Variants in RABGAP1L observed in about 807,000 individuals in gnomAD.
RABGAP1L encodes RAB GTPase activating protein 1 like.
Under a neutral mutation model 137.7 loss-of-function variants are expected in RABGAP1L, and 63 were observed. That is an observed-to-expected ratio of 0.46 (90% CI 0.37 to 0.56). The LOEUF (loss-of-function observed/expected upper bound fraction) is 0.56, where lower values mean the gene tolerates loss of function less well. Ranked by LOEUF, RABGAP1L falls within the 20% of genes least tolerant of loss-of-function variation. The pLI, the probability that RABGAP1L is intolerant of heterozygous loss-of-function variation, is 0.00. For missense variants in RABGAP1L, 1,095 were observed against 1,244.0 expected (o/e 0.88, Z 1.80); for synonymous variants, 431 against 433.7 (o/e 0.99, Z 0.08).
chr1:174,201,453 C>T (rs190777767), intron 1 of RABGAP1L, among the ~76,000 whole-genome samples: 143 of 152,274 alleles, frequency 9.4e-4, no homozygotes, highest in African/African-American at 3.1e-3. Flanking sequence ...CCACCTTGGC[C>T]TCCCAAGGGG....
intron 13 of RABGAP1L, among the ~76,000 whole-genome samples, chr1:174,580,802 G>A (rs10753086): frequency 0.58 from 88,412 of 152,076 alleles, 28,022 homozygotes; most frequent in African/African-American, 0.85. Flanking sequence ...TTGAGTATTC[G>A]GAATATATCA....
At chr1:174,290,874 G>A (rs960846704) in intron 10 of RABGAP1L, among the ~76,000 whole-genome samples, 8 of 151,154 alleles carry the variant, frequency 5.3e-5, no homozygotes, top group African/African-American at 1.9e-4. Flanking sequence ...TGATTCTCCT[G>A]CATCAGCCTC....
chr1:174,693,218 T>C (rs1358544737), intron 15 of RABGAP1L, among the ~76,000 whole-genome samples: 1 of 152,232 alleles, frequency 6.6e-6, no homozygotes, highest in Non-Finnish European at 1.5e-5. Context: ...GATCCGCTGC[T>C]GTAAACTCTT....
chr1:174,648,811 C>G (rs1472450048), intron 14 of RABGAP1L, among the ~76,000 whole-genome samples: 1 of 152,092 alleles, frequency 6.6e-6, no homozygotes, highest in Non-Finnish European at 1.5e-5. Flanking sequence ...GTTAAAGTCT[C>G]CCACTATTAT....
chr1:174,855,410 C>G (rs1053616722), intron 19 of RABGAP1L, among the ~76,000 whole-genome samples: 1 of 152,154 alleles, frequency 6.6e-6, no homozygotes, highest in South Asian at 2.1e-4. Flanking sequence ...ATAACTGTAT[C>G]CTAGACATAA....
intron 19 of RABGAP1L, among the ~76,000 whole-genome samples, chr1:174,924,964 G>GTCC (rs1662464926): frequency 1.3e-5 from 2 of 152,196 alleles, no homozygotes; most frequent in African/African-American, 4.8e-5. Flanking sequence ...AAATAGGGTA[G>GTCC]TAAGGGTAGA....
chr1:174,766,531 T>C (rs1039279908), intron 18 of RABGAP1L, among the ~76,000 whole-genome samples: 3 of 152,220 alleles, frequency 2.0e-5, no homozygotes, highest in Admixed American at 1.3e-4. Context: ...GTGTGCATTC[T>C]CCAGTTTTGT....
intron 14 of RABGAP1L, among the ~76,000 whole-genome samples, chr1:174,673,579 A>G (rs1308068936): frequency 6.6e-6 from 1 of 152,190 alleles, no homozygotes; most frequent in Non-Finnish European, 1.5e-5. Context: ...GCTAAATTAC[A>G]TATTTCTCTT....
intron 21 of RABGAP1L, among the ~76,000 whole-genome samples, chr1:174,974,908 A>G (rs1189868268): frequency 6.6e-6 from 1 of 152,266 alleles, no homozygotes; most frequent in Non-Finnish European, 1.5e-5. Flanking sequence ...GAGATATGGC[A>G]GAAGACGGAC....
intron 19 of RABGAP1L, among the ~76,000 whole-genome samples, chr1:174,861,306 A>C: frequency 6.6e-6 from 1 of 152,312 alleles, no homozygotes; most frequent in Middle Eastern, 3.4e-3. Context: ...TCTATTATGT[A>C]TATCTATAAA....
chr1:174,224,832 C>A (rs1346541580), intron 3 of RABGAP1L, among the ~76,000 whole-genome samples: 1 of 152,080 alleles, frequency 6.6e-6, no homozygotes, highest in Non-Finnish European at 1.5e-5. Context: ...GGATTTGAAT[C>A]ATTGTTCTCC....
chr1:174,436,444 A>T (rs1653317676), intron 13 of RABGAP1L, among the ~76,000 whole-genome samples: 1 of 152,134 alleles, frequency 6.6e-6, no homozygotes, highest in Non-Finnish European at 1.5e-5. Context: ...TTGGCTGCAT[A>T]AATGTCTTCT....
chr1:174,341,298 A>G (rs1681951512), intron 11 of RABGAP1L, among the ~76,000 whole-genome samples: 1 of 152,216 alleles, frequency 6.6e-6, no homozygotes, highest in Non-Finnish European at 1.5e-5. Context: ...CTGAATGCTA[A>G]TATGATGCAT....
chr1:174,687,676 T>A (rs1406586694), intron 15 of RABGAP1L, among the ~76,000 whole-genome samples: 1 of 152,182 alleles, frequency 6.6e-6, no homozygotes, highest in Non-Finnish European at 1.5e-5. Context: ...ATTATTAGGG[T>A]CTTACTGACT....
intron 13 of RABGAP1L, among the ~76,000 whole-genome samples, chr1:174,418,519 T>G (rs1018244890): frequency 6.6e-6 from 1 of 152,172 alleles, no homozygotes; most frequent in African/African-American, 2.4e-5. Flanking sequence ...ATAGAGATAG[T>G]CTATAAGAAT....
chr1:174,616,451 A>G (rs778355160), intron 13 of RABGAP1L, among the ~76,000 whole-genome samples: 1 of 152,178 alleles, frequency 6.6e-6, no homozygotes, highest in African/African-American at 2.4e-5. Flanking sequence ...TTTATTCAGT[A>G]CTCATTTACC....
chr1:174,579,826 A>C (rs894431811), intron 13 of RABGAP1L, among the ~76,000 whole-genome samples: 1 of 152,220 alleles, frequency 6.6e-6, no homozygotes, highest in African/African-American at 2.4e-5. Flanking sequence ...GCAAGGCACT[A>C]TCTCAGCTCA....
chr1:174,187,538 A>G, intron 1 of RABGAP1L, among the ~76,000 whole-genome samples: 1 of 152,146 alleles, frequency 6.6e-6, no homozygotes, highest in South Asian at 2.1e-4. Flanking sequence ...CCTATAGTAC[A>G]TTTTAAAATG....
chr1:174,633,093 G>A (rs1001335582), intron 13 of RABGAP1L, among the ~76,000 whole-genome samples: 1 of 151,880 alleles, frequency 6.6e-6, no homozygotes, highest in Non-Finnish European at 1.5e-5. Context: ...AAGTCAAATT[G>A]TCCCTGTTTG....
Sources: gnomAD v4.1 joint callset for allele counts (sites outside exome capture counted in the v4.1 genomes callset) on GRCh38, gnomAD v4.1.1 for gene constraint, MANE v1.5 for transcripts, NCBI Gene and HGNC (gene_info 2026-07-23, HGNC 2026-07-21) for gene names.